The following AFG2A variants were observed in gnomAD, a reference collection of about 807,000 sequenced individuals.
The protein encoded by AFG2A is AAA ATPase AFG2A, also known as ATPase family gene 2 protein homolog A.
chr4:123,107,116 T>C, the AFG2A span, among the ~76,000 whole-genome samples: 2 of 152,108 alleles, frequency 1.3e-5, no homozygotes, highest in South Asian at 4.1e-4. Flanking sequence ...CCAAAGAGGG[T>C]GTCACAGCCC....
the AFG2A span, among the ~76,000 whole-genome samples, chr4:123,160,356 A>T: frequency 6.6e-6 from 1 of 152,202 alleles, no homozygotes. Flanking sequence ...AAACACAGAC[A>T]ACACAAATTA....
At chr4:122,923,218 T>C in the AFG2A span, 2 of 1,614,218 alleles carry the variant, frequency 1.2e-6, no homozygotes, top group Admixed American at 1.7e-5. Flanking sequence ...TGCTGCTTCC[T>C]CTTGTGCGGA....
At chr4:123,114,584 A>G in the AFG2A span, among the ~76,000 whole-genome samples, 1 of 152,156 alleles carries the variant, frequency 6.6e-6, no homozygotes, top group Non-Finnish European at 1.5e-5. Flanking sequence ...AGGCCAGGCA[A>G]TGGGAGCAGA....
the AFG2A span, among the ~76,000 whole-genome samples, chr4:123,148,349 A>G: frequency 6.6e-6 from 1 of 152,142 alleles, no homozygotes; most frequent in Admixed American, 6.5e-5. Context: ...AGAGAGAGAA[A>G]TGCTTTTAAA....
the AFG2A span, among the ~76,000 whole-genome samples, chr4:122,988,658 G>T: frequency 6.6e-6 from 1 of 152,100 alleles, no homozygotes; most frequent in African/African-American, 2.4e-5. Context: ...GCCTCCTAAA[G>T]TGCTGGGGTT....
chr4:122,938,396 A>G, the AFG2A span: 2 of 995,456 alleles, frequency 2.0e-6, no homozygotes, highest in African/African-American at 3.3e-5. Context: ...AAAGATCTGT[A>G]AAATAATTTG....
the AFG2A span, chr4:123,057,057 T>A: frequency 1.5e-6 from 1 of 660,254 alleles, no homozygotes; most frequent in Non-Finnish European, 2.6e-6. Flanking sequence ...ATTATAAAGT[T>A]CTGAACATCT....
At chr4:123,188,119 C>A in the AFG2A span, among the ~76,000 whole-genome samples, 2 of 151,768 alleles carry the variant, frequency 1.3e-5, no homozygotes, top group Non-Finnish European at 2.9e-5. Flanking sequence ...TTATTCTTAT[C>A]ATTAAACATA....
chr4:123,264,124 A>G, the AFG2A span, among the ~76,000 whole-genome samples: 1 of 152,264 alleles, frequency 6.6e-6, no homozygotes, highest in Admixed American at 6.5e-5. Context: ...AAACCCAAAC[A>G]TCTTATGTTC....
At chr4:123,181,282 C>T in the AFG2A span, among the ~76,000 whole-genome samples, 1 of 152,002 alleles carries the variant, frequency 6.6e-6, no homozygotes, top group African/African-American at 2.4e-5. Flanking sequence ...CTGCGCCCGG[C>T]CCTCCTCCTC....
chr4:123,302,127 G>C, the AFG2A span, among the ~76,000 whole-genome samples: 1 of 152,090 alleles, frequency 6.6e-6, no homozygotes, highest in African/African-American at 2.4e-5. Flanking sequence ...ACCATCCCCC[G>C]AGCCGCTTCC....
chr4:123,106,275 C>A, the AFG2A span, among the ~76,000 whole-genome samples: 6 of 152,248 alleles, frequency 3.9e-5, no homozygotes, highest in African/African-American at 1.2e-4. Flanking sequence ...GTATTGCATA[C>A]TTAGTAGACT....
At chr4:123,049,068 A>G in the AFG2A span, among the ~76,000 whole-genome samples, 1 of 152,130 alleles carries the variant, frequency 6.6e-6, no homozygotes, top group Admixed American at 6.5e-5. Flanking sequence ...GGTTTTTATC[A>G]TGAAGGGATG....
chr4:123,210,936 G>A, the AFG2A span, among the ~76,000 whole-genome samples: 1 of 151,938 alleles, frequency 6.6e-6, no homozygotes, highest in Admixed American at 6.6e-5. Context: ...TAGACATTCT[G>A]TGAATAGTAC....
the AFG2A span, among the ~76,000 whole-genome samples, chr4:123,066,859 G>A: frequency 6.6e-6 from 1 of 152,166 alleles, no homozygotes; most frequent in South Asian, 2.1e-4. Flanking sequence ...AATGGAAAAT[G>A]TGTAACAGAT....
chr4:122,954,161 C>A, the AFG2A span, among the ~76,000 whole-genome samples: 2 of 152,188 alleles, frequency 1.3e-5, no homozygotes, highest in Non-Finnish European at 2.9e-5. Context: ...ATGGCCTGAT[C>A]CTCATTGTTG....
At chr4:123,149,394 G>A in the AFG2A span, among the ~76,000 whole-genome samples, 1 of 152,196 alleles carries the variant, frequency 6.6e-6, no homozygotes, top group African/African-American at 2.4e-5. Flanking sequence ...AATGTCTGGG[G>A]ATGGGAATAA....
the AFG2A span, among the ~76,000 whole-genome samples, chr4:123,050,146 G>A: frequency 6.6e-6 from 1 of 151,924 alleles, no homozygotes; most frequent in African/African-American, 2.4e-5. Context: ...TTTTTGTTGT[G>A]GTGGTTGTGG....
chr4:122,937,492 T>G, the AFG2A span, among the ~76,000 whole-genome samples: 3 of 152,214 alleles, frequency 2.0e-5, no homozygotes, highest in African/African-American at 7.2e-5. Flanking sequence ...ACTACTGCTC[T>G]TGAATCAGAA....
Sources: gnomAD v4.1 joint callset for allele counts (sites outside exome capture counted in the v4.1 genomes callset) on GRCh38, gnomAD v4.1.1 for gene constraint, MANE v1.5 for transcripts, NCBI Gene and HGNC (gene_info 2026-07-23, HGNC 2026-07-21) for gene names.